Variants in NPFFR2 observed in about 807,000 individuals in gnomAD.
NPFFR2 encodes G-protein coupled receptor 74.
Under a neutral mutation model 13.1 loss-of-function variants are expected in NPFFR2, and 15 were observed. The observed-to-expected ratio is 1.15, with a 90% CI of 0.77 to 1.76. NPFFR2 has a LOEUF of 1.76. NPFFR2 is among the 40% of genes most tolerant of loss of function. NPFFR2 has a pLI of 0.00. For synonymous variants in NPFFR2, 190 were observed against 175.7 expected, an observed-to-expected ratio of 1.08 and a Z score of -0.65; for missense variants, 572 against 503.5, an observed-to-expected ratio of 1.14 and a Z score of -1.30.
At chr4:72,055,745 G>C (rs1388876603) in intron 1 of NPFFR2, among the ~76,000 whole-genome samples, 4 of 151,984 alleles carry the variant, frequency 2.6e-5, no homozygotes, top group Non-Finnish European at 5.9e-5. Flanking sequence ...TGCTGCTCCA[G>C]TGAATACATG....
intron 1 of NPFFR2, among the ~76,000 whole-genome samples, chr4:72,046,350 A>T (rs763415014): frequency 6.6e-6 from 1 of 152,194 alleles, no homozygotes; most frequent in Admixed American, 6.5e-5. Context: ...GATTAATGCC[A>T]TCATTGCAGA....
At chr4:72,135,940 A>G (rs1371378858) in intron 2 of NPFFR2, among the ~76,000 whole-genome samples, 1 of 151,994 alleles carries the variant, frequency 6.6e-6, no homozygotes, top group Non-Finnish European at 1.5e-5. Flanking sequence ...GGCATTTGGG[A>G]TATCCATCAC....
chr4:72,039,723 G>A (rs1049951278), intron 1 of NPFFR2, among the ~76,000 whole-genome samples: 1 of 152,084 alleles, frequency 6.6e-6, no homozygotes, highest in African/African-American at 2.4e-5. Flanking sequence ...ACAAAACAAG[G>A]CTACAATAAA....
intron 3 of NPFFR2, among the ~76,000 whole-genome samples, chr4:72,143,040 C>A (rs1205194268): frequency 6.6e-6 from 1 of 152,074 alleles, no homozygotes; most frequent in Non-Finnish European, 1.5e-5. Context: ...AGAAGTGAGA[C>A]CTTCTGATTC....
At chr4:72,106,195 T>C (rs1721414710) in intron 1 of NPFFR2, among the ~76,000 whole-genome samples, 1 of 152,024 alleles carries the variant, frequency 6.6e-6, no homozygotes, top group Non-Finnish European at 1.5e-5. Context: ...ACAGTGGACT[T>C]GCGTCTGCCT....
chr4:72,100,371 TC>T lies in NPFFR2; in HGVS notation c.-7-28212del, dbSNP rs1200778759. ...TGAATATGTATAAGCTACTTAATCT[TC>T]CTAACTTTCAGTCTTTTTATTTATA... On this transcript the variant is annotated intron_variant, in intron 1 of 3. Coordinates refer to ENST00000308744, the MANE Select transcript of NPFFR2 (RefSeq NM_004885.3). 6.6e-5 allele frequency among the ~76,000 whole-genome samples: 10 copies of T among 152,132 alleles called. No individual in the cohort carries two copies. The East Asian group carries it at 1.3e-3, about 21-fold the overall frequency.
At chr4:72,093,601 C>A (rs146296484) in intron 1 of NPFFR2, among the ~76,000 whole-genome samples, 2 of 150,846 alleles carry the variant, frequency 1.3e-5, no homozygotes, top group Admixed American at 6.6e-5. Flanking sequence ...GAATTTCTTT[C>A]TTCTATTTGT....
At chr4:72,033,777 G>T (rs1718982130) in intron 1 of NPFFR2, among the ~76,000 whole-genome samples, 2 of 152,114 alleles carry the variant, frequency 1.3e-5, no homozygotes, top group Admixed American at 1.3e-4. Flanking sequence ...AAATCATACT[G>T]CTCACCAATA....
intron 1 of NPFFR2, among the ~76,000 whole-genome samples, chr4:72,082,280 G>A (rs1276138259): frequency 6.6e-6 from 1 of 152,182 alleles, no homozygotes; most frequent in Non-Finnish European, 1.5e-5. Flanking sequence ...CAAGGAATAG[G>A]AGGAGCTCAG....
chr4:72,130,650 T>C (rs566861801), intron 2 of NPFFR2, among the ~76,000 whole-genome samples: 1 of 152,082 alleles, frequency 6.6e-6, no homozygotes, highest in East Asian at 1.9e-4. Context: ...CTCAAGCCCC[T>C]TGTGGGAGGG....
chr4:72,067,237 T>A (rs1187254406), intron 1 of NPFFR2, among the ~76,000 whole-genome samples: 1 of 152,188 alleles, frequency 6.6e-6, no homozygotes, highest in Admixed American at 6.5e-5. Flanking sequence ...GAGTTCTACC[T>A]GGCCCACTTT....
intron 1 of NPFFR2, among the ~76,000 whole-genome samples, chr4:72,066,457 T>C (rs1177063694): frequency 6.6e-6 from 1 of 152,148 alleles, no homozygotes; most frequent in Non-Finnish European, 1.5e-5. Context: ...CTATTTCTAG[T>C]ATCAACTTAA....
intron 1 of NPFFR2, among the ~76,000 whole-genome samples, chr4:72,126,508 T>C (rs1309896873): frequency 6.6e-6 from 1 of 152,250 alleles, no homozygotes; most frequent in East Asian, 1.9e-4. Flanking sequence ...GCTTGCTAAG[T>C]TGGCTCTTGG....
intron 1 of NPFFR2, among the ~76,000 whole-genome samples, chr4:72,092,209 A>G (rs879888904): frequency 1.3e-5 from 2 of 152,086 alleles, no homozygotes; most frequent in Non-Finnish European, 2.9e-5. Flanking sequence ...AGTACTTGAT[A>G]TAATCTCAAT....
intron 2 of NPFFR2, among the ~76,000 whole-genome samples, chr4:72,130,943 G>T (rs1016739976): frequency 2.0e-5 from 3 of 152,152 alleles, no homozygotes; most frequent in Non-Finnish European, 4.4e-5. Flanking sequence ...TTGAGCGGTG[G>T]AAGTGGCTCT....
Position 72,080,554 on chromosome 4 carries a change from T to C in NPFFR2, c.-7-48031T>C, listed in dbSNP as rs188747415. 3.9e-5 allele frequency among the ~76,000 whole-genome samples: 6 copies of C among 152,292 alleles called. No homozygotes were observed. The East Asian group carries it at 1.2e-3, about 29-fold the overall frequency. ...TTCATGGACCTGCAGCTTTGAAACATGGGAATAAATCCAGGTTTATTTTCT... is the reference window on the plus strand; with the variant it reads ...TTCATGGACCTGCAGCTTTGAAACACGGGAATAAATCCAGGTTTATTTTCT... On this transcript the variant is annotated intron_variant, in intron 1 of 3. Coordinates refer to ENST00000308744, the MANE Select transcript of NPFFR2 (RefSeq NM_004885.3).
At chr4:72,138,692 T>C (rs1300308710) in intron 3 of NPFFR2, among the ~76,000 whole-genome samples, 2 of 152,334 alleles carry the variant, frequency 1.3e-5, no homozygotes, top group East Asian at 3.9e-4. Context: ...TCCAAGTCTT[T>C]GCTATTGTGA....
rs146599841 is a variant in NPFFR2, at chr4:72,062,317, T to G, written c.-8+30117T>G. 5.8e-3 allele frequency among the ~76,000 whole-genome samples: 889 copies of G among 152,268 alleles called. 5 individuals are homozygous for G. The highest frequency in any genetic ancestry group is 0.021 in the African/African-American group (854 of 41,556). ...GGTCTTTTTACTCTTCTTGGTAGGATCATAATTTTGTTAAATGTCCATAAA... is the reference window on the plus strand; with the variant it reads ...GGTCTTTTTACTCTTCTTGGTAGGAGCATAATTTTGTTAAATGTCCATAAA... On this transcript the variant is annotated intron_variant, in intron 1 of 3. Transcript: ENST00000308744.
intron 1 of NPFFR2, among the ~76,000 whole-genome samples, chr4:72,107,418 G>A (rs925230850): frequency 2.6e-5 from 4 of 151,068 alleles, no homozygotes; most frequent in African/African-American, 7.3e-5. Flanking sequence ...CACAATCCTG[G>A]GAGATCATCC....
Sources: gnomAD v4.1 joint callset for allele counts (sites outside exome capture counted in the v4.1 genomes callset) on GRCh38, gnomAD v4.1.1 for gene constraint, MANE v1.5 for transcripts, NCBI Gene and HGNC (gene_info 2026-07-23, HGNC 2026-07-21) for gene names.